The following TMPRSS11A variants were observed in gnomAD, a reference collection of about 807,000 sequenced individuals.
TMPRSS11A encodes transmembrane serine protease 11A, also known as transmembrane protease serine 11A.
Under a neutral mutation model 58.9 loss-of-function variants are expected in TMPRSS11A, and 53 were observed. That is an observed-to-expected ratio of 0.90 (90% CI 0.72 to 1.13). The LOEUF is 1.13. Among genes scored for constraint, TMPRSS11A ranks in the 50% most tolerant of loss-of-function variants. The pLI, the probability that TMPRSS11A is intolerant of heterozygous loss-of-function variation, is 0.00. For synonymous variants in TMPRSS11A, 167 were observed against 169.8 expected (o/e 0.98, Z 0.13); for missense variants, 493 against 499.3 (o/e 0.99, Z 0.12).
intron 1 of TMPRSS11A, among the ~76,000 whole-genome samples, chr4:67,953,761 C>CTCCA (rs892623062): frequency 1.1e-4 from 16 of 151,764 alleles, no homozygotes; most frequent in African/African-American, 3.9e-4. Context: ...TACCATTGCA[C>CTCCA]TCCAGCCTGG....
chr4:67,929,277 G>A (rs1310065890), intron 5 of TMPRSS11A, among the ~76,000 whole-genome samples: 3 of 152,034 alleles, frequency 2.0e-5, no homozygotes. Context: ...CCTTAATTGA[G>A]GGAAGTGATA....
intron 3 of TMPRSS11A, among the ~76,000 whole-genome samples, chr4:67,932,533 G>A (rs984070715): frequency 2.6e-5 from 4 of 152,084 alleles, no homozygotes; most frequent in African/African-American, 9.7e-5. Context: ...GAATCAATTT[G>A]AGCCTCAGTT....
intron 3 of TMPRSS11A, among the ~76,000 whole-genome samples, chr4:67,935,341 A>C (rs1720725615): frequency 6.6e-6 from 1 of 152,148 alleles, no homozygotes; most frequent in Non-Finnish European, 1.5e-5. Flanking sequence ...GGTCTGTAAC[A>C]ACCTTCTCAT....
At chr4:67,919,576 G>T (rs1276317456) in intron 7 of TMPRSS11A, among the ~76,000 whole-genome samples, 1 of 152,116 alleles carries the variant, frequency 6.6e-6, no homozygotes, top group East Asian at 1.9e-4. Flanking sequence ...AGGACCTAAG[G>T]TGCCTGCTCA....
intron 3 of TMPRSS11A, among the ~76,000 whole-genome samples, chr4:67,938,087 T>C (rs72851233): frequency 0.021 from 3,272 of 152,312 alleles, 125 homozygotes; most frequent in African/African-American, 0.074. Flanking sequence ...TCTTTAATAA[T>C]AGCCATTGTA....
At chr4:67,949,181 T>C (rs1348895242) in intron 1 of TMPRSS11A, among the ~76,000 whole-genome samples, 1 of 152,048 alleles carries the variant, frequency 6.6e-6, no homozygotes, top group African/African-American at 2.4e-5. Context: ...GTAAGATAAA[T>C]GGAGAAAGTA....
chr4:67,940,195 CT>C (rs1720847613), intron 3 of TMPRSS11A, among the ~76,000 whole-genome samples: 1 of 152,058 alleles, frequency 6.6e-6, no homozygotes, highest in African/African-American at 2.4e-5. Context: ...CTGTAATTTT[CT>C]TTTTTCATTC....
chr4:67,930,141 G>T (rs11929790), intron 4 of TMPRSS11A, 101 bp from the exon 5 acceptor site: 51,981 of 1,101,974 alleles, frequency 0.047, 1,424 homozygotes, highest in African/African-American at 0.065. Flanking sequence ...CTCAGTTGCT[G>T]AGAGTGTCAA....
rs185939232 is a variant in TMPRSS11A, at chr4:67,934,806, G to A, written c.253-2746C>T. Among the ~76,000 whole-genome samples, 19 of 152,242 alleles carry A rather than the reference G, an allele frequency of 1.2e-4. No individual in the cohort carries two copies. In the East Asian group the frequency reaches 3.1e-3, roughly 25 times the overall value. On this transcript the variant is annotated intron_variant, in intron 3 of 9. Coordinates refer to ENST00000508048, the MANE Select transcript of TMPRSS11A (RefSeq NM_001114387.2). ...TGAATTAACTCTGTTTATACATGTTGCCTGCTTTTCTCTGCAGGTGCTTCC... is the reference window on the plus strand; with the variant it reads ...TGAATTAACTCTGTTTATACATGTTACCTGCTTTTCTCTGCAGGTGCTTCC...
chr4:67,962,938 C>T (rs1457177305), intron 1 of TMPRSS11A, among the ~76,000 whole-genome samples: 1 of 152,204 alleles, frequency 6.6e-6, no homozygotes, highest in Non-Finnish European at 1.5e-5. Context: ...ATTTACCTCT[C>T]AATCTGCATT....
chr4:67,916,370 T>C (rs942443089), intron 8 of TMPRSS11A, among the ~76,000 whole-genome samples: 2 of 152,124 alleles, frequency 1.3e-5, no homozygotes, highest in Non-Finnish European at 2.9e-5. Flanking sequence ...TGTAAACACA[T>C]ATTTAAAAGT....
chr4:67,928,933 C>T (rs192024326), intron 5 of TMPRSS11A, among the ~76,000 whole-genome samples: 1 of 152,328 alleles, frequency 6.6e-6, no homozygotes, highest in African/African-American at 2.4e-5. Flanking sequence ...GCTGTGCAAA[C>T]AGCTTAGCGG....
At chr4:67,921,391 T>G (rs1720326767) in intron 7 of TMPRSS11A, among the ~76,000 whole-genome samples, 1 of 152,150 alleles carries the variant, frequency 6.6e-6, no homozygotes, top group South Asian at 2.1e-4. Context: ...TGGAGTGCAG[T>G]GGTGCAATCA....
chr4:67,955,493 G>A (rs1265709761), intron 1 of TMPRSS11A, among the ~76,000 whole-genome samples: 1 of 152,148 alleles, frequency 6.6e-6, no homozygotes, highest in Non-Finnish European at 1.5e-5. Flanking sequence ...GCATGCAAAA[G>A]GAATTGTTTG....
At chr4:67,926,230 T>A (rs949951930) in intron 5 of TMPRSS11A, among the ~76,000 whole-genome samples, 15 of 151,756 alleles carry the variant, frequency 9.9e-5, no homozygotes, top group African/African-American at 3.6e-4. Context: ...ACCACACAGT[T>A]TTTTTTTGTC....
rs1255551586 is a variant in TMPRSS11A at position 67,912,125 on chromosome 4, A to G, written c.1096-622T>C. Among the ~76,000 whole-genome samples the G allele has an allele frequency of 3.3e-5, 5 of 152,258 alleles. No homozygotes were observed. The East Asian group carries it at 9.6e-4, about 29-fold the overall frequency. The stretch of plus-strand genomic sequence containing the variant: ...TTTGCTTTCCTAGAATTAATAACAC[A>G]ACTCTTTTTTTCATGTGGATAGTTT... On this transcript the variant is annotated intron_variant, in intron 9 of 9. Transcript: ENST00000508048.
chr4:67,950,248 G>A (rs1002281009), intron 1 of TMPRSS11A, among the ~76,000 whole-genome samples: 3 of 152,088 alleles, frequency 2.0e-5, no homozygotes, highest in Admixed American at 6.5e-5. Flanking sequence ...TAGGTATTAG[G>A]CAGAACTCAG....
intron 1 of TMPRSS11A, among the ~76,000 whole-genome samples, chr4:67,950,898 C>T (rs1370022962): frequency 2.6e-5 from 4 of 152,232 alleles, no homozygotes; most frequent in Non-Finnish European, 5.9e-5. Flanking sequence ...ACTTGGCACT[C>T]TGCAGTCTTT....
intron 2 of TMPRSS11A, 89 bp downstream of exon 2, chr4:67,946,361 T>G (rs981444129): frequency 2.2e-6 from 3 of 1,375,506 alleles, no homozygotes; most frequent in Non-Finnish European, 9.6e-7. Flanking sequence ...AATGTGCAAT[T>G]TTTTAGATGA....
Sources: gnomAD v4.1 joint callset for allele counts (sites outside exome capture counted in the v4.1 genomes callset) on GRCh38, gnomAD v4.1.1 for gene constraint, MANE v1.5 for transcripts, NCBI Gene and HGNC (gene_info 2026-07-23, HGNC 2026-07-21) for gene names.